DLGAP1: variants seen among roughly 807,000 people sequenced by gnomAD.
DLGAP1 encodes the protein DLG associated protein 1, also known as disks large-associated protein 1.
In DLGAP1, 11 loss-of-function variants were observed where a neutral mutation model predicts 90.8. The ratio of observed to expected loss-of-function variants is 0.12; its 90% confidence interval spans 0.08 to 0.20. The LOEUF is 0.20. Ranked by LOEUF, DLGAP1 falls within the 10% of genes least tolerant of loss-of-function variation. DLGAP1 has a pLI of 1.00. For missense variants in DLGAP1, 1,050 were observed against 1,333.8 expected (o/e 0.79, Z 3.31); for synonymous variants, 558 against 540.7 (o/e 1.03, Z -0.44).
chr18:4,354,831 T>A (rs1326388914), intron 1 of DLGAP1, among the ~76,000 whole-genome samples: 1 of 118,382 alleles, frequency 8.4e-6, no homozygotes, highest in African/African-American at 3.3e-5. Context: ...TCAAGCTACC[T>A]AAGAAGAAAC....
chr18:3,880,003 C>G lies in DLGAP1; in HGVS notation c.66G>C (p.Ser22=). The change falls in exon 4 of 13, where the codon TCG becomes TCC. Residue 22 remains serine (S), a synonymous_variant. Transcript: ENST00000315677. ...HGVTCDSACD[S]LSHHSDRKPY... ...GCTTGCGGTCGGAGTGGTGCGACAGCGAGTCACAGGCCGAGTCGCAGGTGA... is the reference window on the plus strand; with the variant it reads ...GCTTGCGGTCGGAGTGGTGCGACAGGGAGTCACAGGCCGAGTCGCAGGTGA... 1 of 1,610,342 alleles carries G rather than the reference C, an allele frequency of 6.2e-7. No homozygotes were observed. The highest frequency in any genetic ancestry group is 2.2e-5 in the East Asian group (1 of 44,856).
intron 3 of DLGAP1, among the ~76,000 whole-genome samples, chr18:3,977,434 G>GGGTTTTTTTTTT (rs767760816): frequency 1.0e-5 from 1 of 95,332 alleles, no homozygotes; most frequent in African/African-American, 4.2e-5. Flanking sequence ...TTTATTCTGT[G>GGGTTTTTTTTTT]TTTTTTTTTT....
chr18:3,911,556 A>T (rs1287289477), intron 3 of DLGAP1, among the ~76,000 whole-genome samples: 1 of 152,214 alleles, frequency 6.6e-6, no homozygotes. Context: ...TTGTTCAGTG[A>T]CTAGAATATA....
chr18:4,080,978 T>A (rs982496264), intron 2 of DLGAP1, among the ~76,000 whole-genome samples: 2 of 150,210 alleles, frequency 1.3e-5, no homozygotes, highest in African/African-American at 2.4e-5. Flanking sequence ...AACCTCCGCC[T>A]CCCTGGTTCA....
chr18:4,288,163 C>T (rs1467092995), intron 1 of DLGAP1, among the ~76,000 whole-genome samples: 1 of 152,164 alleles, frequency 6.6e-6, no homozygotes, highest in Admixed American at 6.5e-5. Context: ...ACTGCACCCA[C>T]TAACTCGTCA....
intron 1 of DLGAP1, among the ~76,000 whole-genome samples, chr18:4,209,093 G>A (rs1401812983): frequency 1.3e-5 from 2 of 152,174 alleles, no homozygotes; most frequent in Non-Finnish European, 2.9e-5. Flanking sequence ...CTCCTTAAGA[G>A]TCAACTGATG....
At chr18:3,555,623 C>T (rs1025241701) in intron 9 of DLGAP1, among the ~76,000 whole-genome samples, 3 of 152,010 alleles carry the variant, frequency 2.0e-5, no homozygotes, top group African/African-American at 7.3e-5. Context: ...CCAGCCTGAC[C>T]AACATGGTGA....
chr18:4,181,356 T>C (rs903584439), intron 1 of DLGAP1, among the ~76,000 whole-genome samples: 3 of 152,164 alleles, frequency 2.0e-5, no homozygotes, highest in Admixed American at 1.3e-4. Context: ...CAGAGATACA[T>C]TTAAACAGTT....
chr18:4,277,497 A>T (rs1384476590), intron 1 of DLGAP1, among the ~76,000 whole-genome samples: 1 of 152,146 alleles, frequency 6.6e-6, no homozygotes, highest in Non-Finnish European at 1.5e-5. Flanking sequence ...GTGGGGTAAG[A>T]TATATGTCAT....
intron 7 of DLGAP1, among the ~76,000 whole-genome samples, chr18:3,665,880 A>G (rs1260294461): frequency 6.6e-6 from 1 of 152,200 alleles, no homozygotes; most frequent in Non-Finnish European, 1.5e-5. Context: ...TTGAACATGT[A>G]ACAGATTAAA....
At chr18:4,120,487 T>C (rs1420902118) in intron 2 of DLGAP1, among the ~76,000 whole-genome samples, 2 of 152,158 alleles carry the variant, frequency 1.3e-5, no homozygotes, top group Non-Finnish European at 2.9e-5. Flanking sequence ...CACTGAGACA[T>C]AGCTTGTAAT....
At chr18:4,114,769 C>T (rs139577375) in intron 2 of DLGAP1, among the ~76,000 whole-genome samples, 52 of 152,118 alleles carry the variant, frequency 3.4e-4, no homozygotes, top group African/African-American at 8.4e-4. Flanking sequence ...TATATGGCCA[C>T]TCTAGCTCTT....
intron 3 of DLGAP1, among the ~76,000 whole-genome samples, chr18:3,913,108 T>TTTTTG (rs950400020): frequency 6.6e-6 from 1 of 152,268 alleles, no homozygotes; most frequent in Admixed American, 6.5e-5. Context: ...GATACTTTGT[T>TTTTTG]TTTTGTTTTG....
At position 3,742,518 on chromosome 18, in the gene DLGAP1, A is replaced by C. The variant is rs1190716385; in HGVS notation, c.1173-6T>G. The C allele has an allele frequency of 6.2e-7, 1 of 1,614,032 alleles. No homozygotes were observed. Among genetic ancestry groups the C allele is most frequent in the East Asian group, 2.2e-5 (1 of 44,878 alleles). On this transcript the variant is annotated splice_polypyrimidine_tract_variant and splice_region_variant and intron_variant, in intron 5 of 12. Coordinates refer to ENST00000315677, the MANE Select transcript of DLGAP1 (RefSeq NM_004746.4). ...GTGAGTGTTCATTGGAGATTCTGGA[A>C]GGGAACAATGGAAGAGGTGCATTAG... is the stretch of plus-strand genomic sequence containing the variant.
intron 1 of DLGAP1, among the ~76,000 whole-genome samples, chr18:4,299,600 T>C (rs1598847589): frequency 1.3e-5 from 2 of 152,230 alleles, no homozygotes; most frequent in South Asian, 4.1e-4. Flanking sequence ...TTACTTGTCA[T>C]AAAAATTACT....
chr18:3,789,319 G>T (rs1469728420), intron 5 of DLGAP1, among the ~76,000 whole-genome samples: 1 of 152,236 alleles, frequency 6.6e-6, no homozygotes, highest in Non-Finnish European at 1.5e-5. Context: ...GTAAGAGTCT[G>T]AGCATGAAAA....
chr18:3,941,110 T>C (rs1421128728), intron 3 of DLGAP1, among the ~76,000 whole-genome samples: 1 of 152,226 alleles, frequency 6.6e-6, no homozygotes, highest in African/African-American at 2.4e-5. Context: ...TAGTTTGCCA[T>C]ACTACTTTAA....
Position 3,660,834 on chromosome 18 carries a change from C to G in DLGAP1, c.1591+68301G>C, listed in dbSNP as rs2059656992. Among the ~76,000 whole-genome samples, 1 of 152,144 alleles carries G rather than the reference C, an allele frequency of 6.6e-6. No homozygotes were observed. The highest frequency in any genetic ancestry group is 1.5e-5 in the Non-Finnish European group (1 of 68,026). On this transcript the variant is annotated intron_variant, in intron 7 of 12. Transcript: ENST00000315677. The surrounding 1 kb of genome is among the most constrained non-coding windows in gnomAD (Gnocchi z 4.2). ...ATGGACTTCAAGAAATATTAGTTAA[C>G]TAACTTTATATTCAAATACCTCAAT...
intron 5 of DLGAP1, among the ~76,000 whole-genome samples, chr18:3,780,530 C>CG (rs2065143382): frequency 2.0e-5 from 3 of 152,144 alleles, no homozygotes; most frequent in Admixed American, 1.3e-4. Context: ...CCAGGTCCCC[C>CG]TCCAACGCTA....
Sources: allele counts gnomAD v4.1 joint callset (sites outside exome capture counted in the v4.1 genomes callset), GRCh38; gene constraint gnomAD v4.1.1; non-coding constraint Gnocchi (gnomAD v3.1); transcripts MANE v1.5; gene names NCBI Gene and HGNC (gene_info 2026-07-23, HGNC 2026-07-21).